ZBTB4: variants seen among roughly 807,000 people sequenced by gnomAD.
ZBTB4 encodes zinc finger and BTB domain containing 4, also known as zinc finger and BTB domain-containing protein 4.
In ZBTB4, 14 loss-of-function variants were observed where a neutral mutation model predicts 59.8. That is an observed-to-expected ratio of 0.23 (90% CI 0.15 to 0.37). ZBTB4 has a LOEUF of 0.37. Among genes scored for constraint, ZBTB4 ranks in the 10% least tolerant of loss-of-function variants. The probability of loss-of-function intolerance (pLI) is 1.00; values close to 1 mark genes in which losing one functional copy is unlikely to be tolerated. For missense variants in ZBTB4, 1,198 were observed against 1,380.8 expected, an observed-to-expected ratio of 0.87 and a Z score of 2.10; for synonymous variants, 587 against 575.2, an observed-to-expected ratio of 1.02 and a Z score of -0.29.
At chr17:7,464,666 T>C (rs1361256766) in intron 3 of ZBTB4, among the ~76,000 whole-genome samples, 3 of 151,538 alleles carry the variant, frequency 2.0e-5, no homozygotes, top group African/African-American at 7.3e-5. Context: ...GGTGAAACCC[T>C]GTCTCTACTA....
Position 7,462,228 on chromosome 17 carries a change from G to A in ZBTB4, c.2754C>T (p.Tyr918=), listed in dbSNP as rs1193609592. The A allele has an allele frequency of 3.1e-6, 5 of 1,613,676 alleles. No homozygotes were observed. The highest frequency in any genetic ancestry group is 4.2e-6 in the Non-Finnish European group (5 of 1,179,868). The change falls in exon 4 of 4, where the codon TAC becomes TAT. Residue 918 remains tyrosine (Y), a synonymous_variant. Transcript: ENST00000380599. This position sits in a 1 kb window ranked among gnomAD's most constrained non-coding sequence, Gnocchi z 7.5. ...CATAGACGAGCGGGTAGGGCTCAGG[G>A]TAGAAAGTGACTTTGGCAGCCCCTA... ...EGIGAAKVTF[Y]PEPYPLVYGP...
At chr17:7,464,806 C>T (rs2070089303) in intron 3 of ZBTB4, among the ~76,000 whole-genome samples, 1 of 149,922 alleles carries the variant, frequency 6.7e-6, no homozygotes, top group Non-Finnish European at 1.5e-5. Context: ...CCACTGCACT[C>T]CAGCCTGGGG....
intron 1 of ZBTB4, 58 bp from the exon 2 acceptor site, chr17:7,467,385 T>C: frequency 2.2e-6 from 1 of 457,438 alleles, no homozygotes; most frequent in Non-Finnish European, 2.9e-6. Flanking sequence ...AAGAGGGTCC[T>C]CAAGGAGGGA....
At position 7,463,695 on chromosome 17, in the gene ZBTB4, G is replaced by A; in HGVS notation, c.1287C>T (p.Thr429=). 2 of 1,613,942 alleles carry A rather than the reference G, an allele frequency of 1.2e-6. No homozygotes were observed. Among genetic ancestry groups the A allele is most frequent in the Non-Finnish European group, 1.7e-6 (2 of 1,179,974 alleles). ...GAGCCTCCGGGGCTCCCTGGCTGTAGGTCTTGTAGGGCCGCTTGGCTGCCC... is the reference window on the plus strand; with the variant it reads ...GAGCCTCCGGGGCTCCCTGGCTGTAAGTCTTGTAGGGCCGCTTGGCTGCCC... ...PMRAAKRPYK[T]YSQGAPEAPL... The change falls in exon 4 of 4, where the codon ACC becomes ACT. Residue 429 remains threonine (T), a synonymous_variant. Transcript: ENST00000380599.
At chr17:7,477,863 C>T (rs1445278299) in intron 1 of ZBTB4, among the ~76,000 whole-genome samples, 2 of 152,162 alleles carry the variant, frequency 1.3e-5, no homozygotes, top group African/African-American at 4.8e-5. Flanking sequence ...TTGTGGCCGC[C>T]CAGCCTCTCC....
At chr17:7,470,832 T>C (rs1411616931) in intron 1 of ZBTB4, among the ~76,000 whole-genome samples, 1 of 152,172 alleles carries the variant, frequency 6.6e-6, no homozygotes, top group Non-Finnish European at 1.5e-5. Context: ...CCTGATGACT[T>C]CACCATATAT....
chr17:7,472,629 C>T (rs1482526777), intron 1 of ZBTB4, among the ~76,000 whole-genome samples: 7 of 138,536 alleles, frequency 5.1e-5, no homozygotes, highest in Admixed American at 1.6e-4. Flanking sequence ...CTGCACCTGG[C>T]CATTCTTTTT....
rs150611097 is a variant in ZBTB4, at chr17:7,461,968, T to G, written c.3014A>C (p.Glu1005Ala). 6.4e-7 allele frequency: 1 copy of G among 1,571,788 alleles called. No individual in the cohort carries two copies. Among genetic ancestry groups the G allele is most frequent in the African/African-American group, 1.4e-5 (1 of 73,618 alleles). The change falls in exon 4 of 4, where the codon GAG becomes GCG. Residue 1005 changes from glutamate (E) to alanine (A), a missense_variant. Glu to Ala is a moderately radical substitution (Grantham distance 107). This residue lies in a region of ZBTB4 where 211 missense variants were observed against 236.1 expected (regional missense o/e 0.89). Transcript: ENST00000380599. ...CCCCACATCGCCCTTCTGGGTTCTC[T>G]CAACCCCTGCCCTTTCCCCTTCTCC... Reference protein sequence around the residue: ...PKGEGERAGVERTQKGDVG With the variant: ...PKGEGERAGVARTQKGDVG
intron 2 of ZBTB4, 109 bp downstream of exon 2, chr17:7,467,148 T>C: frequency 9.0e-7 from 1 of 1,111,402 alleles, no homozygotes; most frequent in Non-Finnish European, 1.1e-6. Context: ...CCACAACTCC[T>C]GATAGCCATT....
At position 7,466,545 on chromosome 17, in the gene ZBTB4, G is replaced by T; in HGVS notation, c.257C>A (p.Ser86Tyr). ...AGAAGACGAGGAAGAGGAGGAGGAG[G>T]AAGAGGCAGCTGTGGTGGTGGCAGG... ...PNPATTTAAS[S>Y]SSSSSSSSSS... Residue 86 changes from serine to tyrosine, a missense_variant, in exon 3 of 4, where the codon TCC becomes TAC. By Grantham distance (144) the Ser-to-Tyr change is moderately radical. Coordinates refer to ENST00000380599, the MANE Select transcript of ZBTB4 (RefSeq NM_001128833.2). This position sits in a 1 kb window ranked among gnomAD's most constrained non-coding sequence, Gnocchi z 9.1. 6.2e-7 allele frequency: 1 copy of T among 1,612,922 alleles called. No homozygotes were observed.
In ZBTB4 at chr17:7,466,373, G is replaced by A. The variant is rs2070124043; in HGVS notation, c.429C>T (p.Ile143=). The change falls in exon 3 of 4, where the codon ATC becomes ATT. Residue 143 remains isoleucine (I), a synonymous_variant. Transcript: ENST00000380599. This position sits in a 1 kb window ranked among gnomAD's most constrained non-coding sequence, Gnocchi z 9.1. Reference sequence around the variant, plus strand: ...CAGGCAGTGCGAGCCGGGCGCTGTAGATGAAGTTGAGGACATCAGAAAACG... The same window carrying A: ...CAGGCAGTGCGAGCCGGGCGCTGTAAATGAAGTTGAGGACATCAGAAAACG... The part of the protein sequence containing the change: ...AAAFSDVLNF[I]YSARLALPGG... The A allele has an allele frequency of 6.2e-7, 1 of 1,614,122 alleles. No homozygotes were observed. The highest frequency in any genetic ancestry group is 8.5e-7 in the Non-Finnish European group (1 of 1,180,020).
At chr17:7,483,831 A>T (rs575785157), upstream of ZBTB4, among the ~76,000 whole-genome samples, 6 of 152,294 alleles carry the variant, frequency 3.9e-5, no homozygotes, top group East Asian at 1.2e-3. Flanking sequence ...GCGGCATTAC[A>T]GGCCAGGAGA....
At position 7,462,665 on chromosome 17, in the gene ZBTB4, C is replaced by A; in HGVS notation, c.2317G>T (p.Val773Leu). The A allele has an allele frequency of 1.2e-6, 2 of 1,607,812 alleles. No homozygotes were observed. The highest frequency in any genetic ancestry group is 2.2e-5 in the South Asian group (2 of 90,772). ...TRFTCPHCAK[V>L]CKTAAALSRH... ...CTCAGGGCAGCTGCGGTCTTGCACACCTTGGCGCAGTGGGGGCAGGTAAAG... is the reference window on the plus strand; with the variant it reads ...CTCAGGGCAGCTGCGGTCTTGCACAACTTGGCGCAGTGGGGGCAGGTAAAG... Residue 773 changes from valine (V) to leucine (L), a missense_variant, in exon 4 of 4, where the codon GTG becomes TTG. Transcript: ENST00000380599. This position sits in a 1 kb window ranked among gnomAD's most constrained non-coding sequence, Gnocchi z 7.5.
chr17:7,482,509 T>C (rs1035041006), upstream of ZBTB4: 3 of 1,613,418 alleles, frequency 1.9e-6, no homozygotes, highest in South Asian at 1.1e-5. Context: ...TTGTGGGACC[T>C]GGACTCTGGA....
chr17:7,465,950 T>A lies in ZBTB4; in HGVS notation c.852A>T (p.Ser284=), dbSNP rs2150854361. Residue 284 remains serine (S), a synonymous_variant, in exon 3 of 4, where the codon TCA becomes TCT. Coordinates refer to ENST00000380599, the MANE Select transcript of ZBTB4 (RefSeq NM_001128833.2). ...GGAAGCCCACTGGTGGAGGCAGGGC[T>A]GAGGCGTCCACCCCTGCAGGACCAC... is the stretch of plus-strand genomic sequence containing the variant. ...GPGGPAGVDA[S]ALPPPVGFRG... 1.2e-6 allele frequency: 2 copies of A among 1,604,924 alleles called. No homozygotes were observed. Among genetic ancestry groups the A allele is most frequent in the Non-Finnish European group, 1.7e-6 (2 of 1,174,000 alleles).
rs1278838034 is a variant in ZBTB4, at chr17:7,461,135, G to A, written c.*805C>T. 6.6e-6 allele frequency: 1 copy of A among 152,656 alleles called. No individual in the cohort carries two copies. Among genetic ancestry groups the A allele is most frequent in the Non-Finnish European group, 1.5e-5 (1 of 68,066 alleles). 9.5% of individuals were successfully genotyped at this position (152,656 alleles called of 1,614,324 possible). A position where few individuals can be genotyped will look rare whatever the true frequency, so the allele number is the denominator to read the frequency against. The stretch of plus-strand genomic sequence containing the variant: ...GTAGAGGCAGAAAGAGGTGTGATCT[G>A]CTTACCTCTTTTGCCTTGGAAGAAT... On this transcript the variant is annotated 3_prime_UTR_variant, in exon 4 of 4. Coordinates refer to ENST00000380599, the MANE Select transcript of ZBTB4 (RefSeq NM_001128833.2).
In ZBTB4 at chr17:7,476,028, T is replaced by C. The variant is rs149612380; in HGVS notation, c.-81+3428A>G. The stretch of plus-strand genomic sequence containing the variant: ...ACATCCAGCAGTCATCAAGTGTGGC[T>C]GAAATCGCCGCCGAGCTTGGGAATG... On this transcript the variant is annotated intron_variant, in intron 1 of 3. Coordinates refer to ENST00000380599, the MANE Select transcript of ZBTB4 (RefSeq NM_001128833.2). Among the ~76,000 whole-genome samples the C allele has an allele frequency of 3.8e-3, 586 of 152,334 alleles. 13 individuals carry two copies. The South Asian group carries it at 0.048, about 13-fold the overall frequency.
upstream of ZBTB4, chr17:7,481,421 A>G (rs1466971763): frequency 1.5e-6 from 2 of 1,372,738 alleles, no homozygotes; most frequent in Admixed American, 7.0e-5. Flanking sequence ...GTTCCAGGGA[A>G]GAACCCCACC....
rs374895110 is a variant in ZBTB4 at position 7,462,071 on chromosome 17, C to A, written c.2911G>T (p.Ala971Ser). 1.3e-6 allele frequency: 2 copies of A among 1,599,128 alleles called. No homozygotes were observed. ...GGGGGTGCTGCTTGAGGATTCACTG[C>A]GTAGCCAAAGACCCCTGGTAGGAAG... is the stretch of plus-strand genomic sequence containing the variant. ...LPFLPGVFGY[A>S]VNPQAAPPAP... The change falls in exon 4 of 4, where the codon GCA becomes TCA. Residue 971 changes from alanine to serine, a missense_variant. Around this residue, in one of 9 missense-constraint regions of ZBTB4, gnomAD observed 211 missense variants for 236.1 expected, o/e 0.89. Transcript: ENST00000380599. The surrounding 1 kb of genome is among the most constrained non-coding windows in gnomAD (Gnocchi z 7.5).
Sources: gnomAD v4.1 joint callset for allele counts (sites outside exome capture counted in the v4.1 genomes callset) on GRCh38, gnomAD v4.1.1 for gene constraint, gnomAD v4.1.1 regional missense constraint, Gnocchi (gnomAD v3.1) non-coding constraint, MANE v1.5 for transcripts, NCBI Gene and HGNC (gene_info 2026-07-23, HGNC 2026-07-21) for gene names.